Variants in ERGIC3 observed in about 807,000 individuals in gnomAD.
ERGIC3 encodes the protein ERGIC and golgi 3.
A neutral mutation model predicts 54.7 loss-of-function variants in ERGIC3; 33 were observed. The ratio of observed to expected loss-of-function variants is 0.60; its 90% CI spans 0.46 to 0.81. The LOEUF (loss-of-function observed/expected upper bound fraction) is 0.81, where lower values mean the gene tolerates loss of function less well. Ranked by LOEUF, ERGIC3 falls within the 30% of genes least tolerant of loss-of-function variation. The pLI is 0.00. For synonymous variants in ERGIC3, 186 were observed against 189.8 expected, an observed-to-expected ratio of 0.98 and a Z score of 0.16; for missense variants, 399 against 488.4, an observed-to-expected ratio of 0.82 and a Z score of 1.73.
At chr20:35,547,177 A>T in intron 4 of ERGIC3, 4 of 449,554 alleles carry the variant, frequency 8.9e-6, no homozygotes. Context: ...AAGTACAGTG[A>T]TCTGTACACA....
intron 4 of ERGIC3, chr20:35,547,146 T>C (rs1019307238): frequency 5.2e-5 from 17 of 325,742 alleles, no homozygotes; most frequent in Middle Eastern, 9.4e-4. Context: ...ATTGTGGGGA[T>C]GAAATGAGAT....
At chr20:35,555,867 AAGG>A (rs1193290575) in intron 8 of ERGIC3, among the ~76,000 whole-genome samples, 163 bp from the exon 9 acceptor site, 1 of 151,050 alleles carries the variant, frequency 6.6e-6, no homozygotes, top group African/African-American at 2.4e-5. Flanking sequence ...CAGGCTGTGG[AAGG>A]AGGAGTTTCT....
At chr20:35,544,125 G>C (rs1211193962) in intron 4 of ERGIC3, 4 of 188,826 alleles carry the variant, frequency 2.1e-5, no homozygotes, top group African/African-American at 4.8e-5. Context: ...CGCGATCTTG[G>C]CTCACTGCAA....
chr20:35,557,529 C>T lies in ERGIC3; in HGVS notation c.*25C>T. The T allele has an allele frequency of 6.2e-7, 1 of 1,604,186 alleles. No individual in the cohort carries two copies. The highest frequency in any genetic ancestry group is 8.5e-7 in the Non-Finnish European group (1 of 1,171,402). Reference sequence around the variant, plus strand: ...GTCACCCTCGGTGCTTCCTCTGTCTCCTCTTTCTCCCTGGCCTGTGGTTGT... The same window carrying T: ...GTCACCCTCGGTGCTTCCTCTGTCTTCTCTTTCTCCCTGGCCTGTGGTTGT... On this transcript the variant is annotated 3_prime_UTR_variant, in exon 13 of 13. Transcript: ENST00000348547.
intron 4 of ERGIC3, chr20:35,543,283 G>A: frequency 2.9e-6 from 1 of 343,214 alleles, no homozygotes; most frequent in South Asian, 2.4e-5. Context: ...TGCTTTCCCA[G>A]CCCATTGGCT....
intron 4 of ERGIC3, among the ~76,000 whole-genome samples, chr20:35,546,927 A>C (rs2064651695): frequency 1.3e-5 from 2 of 152,168 alleles, no homozygotes; most frequent in Admixed American, 1.3e-4. Context: ...TGAAATCACC[A>C]GTTATGATGG....
At chr20:35,556,808 G>A in intron 10 of ERGIC3, 165 bp from the exon 11 acceptor site, 2 of 887,312 alleles carry the variant, frequency 2.3e-6, no homozygotes, top group Admixed American at 2.3e-5. Context: ...AGGAGAGGGG[G>A]TCTGGCGGGC....
chr20:35,553,020 A>ATTTTTTTTTTTTTTTTTTTTTTTTTT lies in ERGIC3; in HGVS notation c.686-2021_686-1996dup. Among the ~76,000 whole-genome samples the ATTTTTTTTTTTTTTTTTTTTTTTTTT allele has an allele frequency of 2.4e-4, 10 of 41,560 alleles. 3 individuals carry two copies. Among genetic ancestry groups the ATTTTTTTTTTTTTTTTTTTTTTTTTT allele is most frequent in the Non-Finnish European group, 3.9e-4 (9 of 22,884 alleles). 27.3% of individuals were successfully genotyped at this position (41,560 alleles called of 152,430 possible). On this transcript the variant is annotated intron_variant, in intron 7 of 12. Coordinates refer to ENST00000348547, the MANE Select transcript of ERGIC3 (RefSeq NM_015966.3). ...TTTGCCCTGAGCTTCAAAGCTGGGG[A>ATTTTTTTTTTTTTTTTTTTTTTTTTT]TTTTTTTTTTTTTTTTTTTTTTTTT...
chr20:35,553,020 A>ATTTTTGTTTTTTTTTTTTTTTTTTTTT (rs2064689856), intron 7 of ERGIC3, among the ~76,000 whole-genome samples: 1 of 41,552 alleles, frequency 2.4e-5, no homozygotes, highest in African/African-American at 8.3e-5. Flanking sequence ...AAAGCTGGGG[A>ATTTTTGTTTTTTTTTTTTTTTTTTTTT]TTTTTTTTTT....
chr20:35,556,843 G>A (rs1437441872), intron 10 of ERGIC3, 130 bp from the exon 11 acceptor site: 33 of 1,316,320 alleles, frequency 2.5e-5, no homozygotes, highest in Non-Finnish European at 3.5e-5. Context: ...CAGGCCACTA[G>A]CACGGTGCTG....
In ERGIC3 at chr20:35,542,886, CAAGCAACG is replaced by C. The variant is rs2064624250; in HGVS notation, c.314_321del (p.Lys105ThrfsTer3). On this transcript the variant is annotated frameshift_variant, in exon 4 of 13. Transcript: ENST00000348547. LOFTEE classifies it high-confidence loss of function. ...AGCTGGATGTGGAACACAACCTGTT[CAAGCAACG>C]ACTAGATAAAGATGGCATCCCCGTG... 6.2e-7 allele frequency: 1 copy of C among 1,614,082 alleles called. No individual in the cohort carries two copies. The highest frequency in any genetic ancestry group is 1.3e-5 in the African/African-American group (1 of 75,002).
At chr20:35,552,583 G>C (rs2064687390) in intron 7 of ERGIC3, among the ~76,000 whole-genome samples, 1 of 152,158 alleles carries the variant, frequency 6.6e-6, no homozygotes, top group South Asian at 2.1e-4. Flanking sequence ...ACAGGATGTG[G>C]AGAAGCCAGT....
At chr20:35,549,097 G>A (rs1054307172) in intron 7 of ERGIC3, 1 of 649,056 alleles carries the variant, frequency 1.5e-6, no homozygotes, top group Non-Finnish European at 2.9e-6. Context: ...CTTTGAGAAG[G>A]TTTCTTAATC....
rs2064717370 is a variant in ERGIC3, at chr20:35,557,016, T to C, written c.923T>C (p.Val308Ala). 6.2e-7 allele frequency: 1 copy of C among 1,614,096 alleles called. No homozygotes were observed. The highest frequency in any genetic ancestry group is 1.1e-5 in the South Asian group (1 of 91,090). The change falls in exon 11 of 13, where the codon GTT (valine) becomes GCT (alanine). Residue 308 changes from valine to alanine, a missense_variant. Physicochemically the swap from Val to Ala is moderately conservative, Grantham distance 64. Coordinates refer to ENST00000348547, the MANE Select transcript of ERGIC3 (RefSeq NM_015966.3). ...NQFSVTRHEKVANGLLGDQGL... is the reference protein window; with the variant it reads ...NQFSVTRHEKAANGLLGDQGL... ...TTCTCTGTGACCAGACATGAGAAGG[T>C]TGCCAATGGGCTGTTGGGCGACCAA...
At chr20:35,549,306 C>T (rs1199150796) in intron 7 of ERGIC3, 6 of 456,396 alleles carry the variant, frequency 1.3e-5, no homozygotes, top group South Asian at 4.8e-5. Context: ...GGTTCTGCCA[C>T]ACCTGGGCTA....
chr20:35,552,880 G>C (rs1447173108), intron 7 of ERGIC3, among the ~76,000 whole-genome samples: 3 of 152,108 alleles, frequency 2.0e-5, no homozygotes, highest in African/African-American at 4.8e-5. Context: ...ACGTGTGACA[G>C]AGGTAGTACA....
chr20:35,550,628 T>C (rs1438875286), intron 7 of ERGIC3, among the ~76,000 whole-genome samples: 1 of 151,442 alleles, frequency 6.6e-6, no homozygotes, highest in Admixed American at 6.6e-5. Context: ...AAAATAATAA[T>C]AAATAAAGAG....
chr20:35,544,485 T>C, intron 4 of ERGIC3: 1 of 290,876 alleles, frequency 3.4e-6, no homozygotes, highest in Non-Finnish European at 6.9e-6. Flanking sequence ...GCTCAGCTCC[T>C]CCTGCCTCCT....
intron 4 of ERGIC3, chr20:35,543,312 T>C (rs2064628070): frequency 3.0e-6 from 1 of 338,108 alleles, no homozygotes; most frequent in Admixed American, 4.0e-5. Context: ...CCCTTAATGC[T>C]CTTCCCCTTT....
Sources: gnomAD v4.1 joint callset for allele counts (sites outside exome capture counted in the v4.1 genomes callset) on GRCh38, gnomAD v4.1.1 for gene constraint, MANE v1.5 for transcripts, NCBI Gene and HGNC (gene_info 2026-07-23, HGNC 2026-07-21) for gene names.